SOBP: variants seen among roughly 807,000 people sequenced by gnomAD.
SOBP encodes sine oculis-binding protein homolog.
A neutral mutation model predicts 53.6 loss-of-function variants in SOBP; 4 were observed. The observed-to-expected ratio is 0.07, with a 90% CI of 0.04 to 0.17. The LOEUF is 0.17. Among genes scored for constraint, SOBP ranks in the 10% least tolerant of loss-of-function variants. The probability of loss-of-function intolerance (pLI) is 1.00; values close to 1 mark genes in which losing one functional copy is unlikely to be tolerated. For synonymous variants in SOBP, 584 were observed against 522.6 expected (o/e 1.12, Z -1.60); for missense variants, 1,088 against 1,204.7 (o/e 0.90, Z 1.43).
intron 3 of SOBP, among the ~76,000 whole-genome samples, chr6:107,530,344 G>T (rs568932535): frequency 1.3e-5 from 2 of 152,198 alleles, no homozygotes; most frequent in East Asian, 3.9e-4. Flanking sequence ...CGTGTTTCAG[G>T]TAGAAAGAGA....
chr6:107,526,026 C>T (rs571880215), intron 3 of SOBP, among the ~76,000 whole-genome samples: 152 of 152,192 alleles, frequency 1.0e-3, no homozygotes, highest in African/African-American at 3.6e-3. Flanking sequence ...TGGCTCACTG[C>T]AACCTCCACT....
At chr6:107,527,797 T>A (rs553132644) in intron 3 of SOBP, among the ~76,000 whole-genome samples, 37 of 152,344 alleles carry the variant, frequency 2.4e-4, no homozygotes, top group African/African-American at 8.2e-4. Flanking sequence ...CTCATTTGCT[T>A]ATAAAAAGTC....
At chr6:107,608,276 C>G (rs1216683331) in intron 5 of SOBP, among the ~76,000 whole-genome samples, 1 of 152,106 alleles carries the variant, frequency 6.6e-6, no homozygotes, top group Non-Finnish European at 1.5e-5. Flanking sequence ...TTTCCCCTCA[C>G]CTCTGAGTTT....
At position 107,635,491 on chromosome 6, in the gene SOBP, T is replaced by C. The variant is rs754899433; in HGVS notation, c.*3+22T>C. ...AAAGGTTTGTATGTCCGCCGGGCGC[T>C]CCTCCACACCAGCCAGTGCACCTCT... On this transcript the variant is annotated intron_variant, in intron 6 of 6. Coordinates refer to ENST00000317357, the MANE Select transcript of SOBP (RefSeq NM_018013.4). The surrounding 1 kb of genome is among the most constrained non-coding windows in gnomAD (Gnocchi z 4.5). 6.2e-7 allele frequency: 1 copy of C among 1,611,088 alleles called. No individual in the cohort carries two copies. The highest frequency in any genetic ancestry group is 1.1e-5 in the South Asian group (1 of 90,926).
intron 4 of SOBP, 77 bp downstream of exon 4, chr6:107,533,687 C>T (rs917139697): frequency 7.3e-5 from 114 of 1,560,796 alleles, no homozygotes; most frequent in East Asian, 6.3e-4. Context: ...TAGCTTCTAG[C>T]GGAAAACACT....
intron 5 of SOBP, among the ~76,000 whole-genome samples, chr6:107,626,386 C>A (rs1341427450): frequency 6.6e-6 from 1 of 152,216 alleles, no homozygotes; most frequent in Admixed American, 6.5e-5. Context: ...CCATTGCCTT[C>A]TGGAGCACAG....
chr6:107,493,800 G>T (rs778488648), intron 1 of SOBP, among the ~76,000 whole-genome samples: 2 of 152,158 alleles, frequency 1.3e-5, no homozygotes, highest in Admixed American at 6.5e-5. Flanking sequence ...AAGACAAACT[G>T]GCTGAGGTTT....
intron 5 of SOBP, among the ~76,000 whole-genome samples, chr6:107,625,512 C>CA (rs1770421323): frequency 6.6e-6 from 1 of 152,156 alleles, no homozygotes; most frequent in African/African-American, 2.4e-5. Context: ...AGAAAGTGGG[C>CA]TAAGGTAGTG....
intron 6 of SOBP, among the ~76,000 whole-genome samples, chr6:107,653,121 A>T: frequency 6.6e-6 from 1 of 152,206 alleles, no homozygotes. Flanking sequence ...CTCTTCAAAA[A>T]TGAGAACAAT....
intron 4 of SOBP, among the ~76,000 whole-genome samples, chr6:107,553,297 A>T (rs993126486): frequency 3.9e-4 from 45 of 115,930 alleles, no homozygotes; most frequent in Middle Eastern, 4.0e-3. Context: ...GCTTATTATT[A>T]TTTTATTTAT....
chr6:107,503,576 A>G, intron 1 of SOBP, 81 bp from the exon 2 acceptor site: 1 of 1,485,984 alleles, frequency 6.7e-7, no homozygotes, highest in Non-Finnish European at 9.4e-7. Flanking sequence ...ATGAGGTAGG[A>G]CAAGCAGAAT....
At chr6:107,586,518 C>CTT (rs5742433) in intron 4 of SOBP, among the ~76,000 whole-genome samples, 2 of 145,936 alleles carry the variant, frequency 1.4e-5, no homozygotes, top group South Asian at 2.2e-4. Context: ...TAAATTAAAT[C>CTT]TTTTTTTTTT....
At chr6:107,548,347 G>A (rs1784362988) in intron 4 of SOBP, among the ~76,000 whole-genome samples, 1 of 150,690 alleles carries the variant, frequency 6.6e-6, no homozygotes. Flanking sequence ...TCCACCTCCT[G>A]GGTTCCTGCC....
chr6:107,512,967 GA>G (rs1583160190), intron 3 of SOBP, among the ~76,000 whole-genome samples: 1 of 151,914 alleles, frequency 6.6e-6, no homozygotes, highest in African/African-American at 2.4e-5. Flanking sequence ...AATGAAATGT[GA>G]AAAAAAGAGG....
intron 5 of SOBP, among the ~76,000 whole-genome samples, chr6:107,591,010 A>G (rs1023370087): frequency 6.6e-6 from 1 of 152,210 alleles, no homozygotes; most frequent in East Asian, 1.9e-4. Context: ...AGTAGGAGAA[A>G]TAAGGCACAT....
At chr6:107,626,693 G>A (rs1176296721) in intron 5 of SOBP, among the ~76,000 whole-genome samples, 2 of 152,220 alleles carry the variant, frequency 1.3e-5, no homozygotes, top group Non-Finnish European at 2.9e-5. Flanking sequence ...GATACTTGGA[G>A]CTGATAAAAT....
At chr6:107,596,949 T>G (rs773993180) in intron 5 of SOBP, among the ~76,000 whole-genome samples, 5 of 152,228 alleles carry the variant, frequency 3.3e-5, no homozygotes, top group Non-Finnish European at 7.3e-5. Context: ...TATATCAAAT[T>G]GCATAGAAGT....
chr6:107,549,211 G>A (rs2115008846), intron 4 of SOBP, among the ~76,000 whole-genome samples: 1 of 152,062 alleles, frequency 6.6e-6, no homozygotes, highest in Non-Finnish European at 1.5e-5. Context: ...AGCTTGCAGG[G>A]AGCCAAGATC....
At chr6:107,649,203 A>G (rs1233834379) in intron 6 of SOBP, among the ~76,000 whole-genome samples, 1 of 142,302 alleles carries the variant, frequency 7.0e-6, no homozygotes, top group African/African-American at 2.6e-5. Flanking sequence ...ATCAGGAGCC[A>G]TGGCTCATGC....
Sources: allele counts gnomAD v4.1 joint callset (sites outside exome capture counted in the v4.1 genomes callset), GRCh38; gene constraint gnomAD v4.1.1; non-coding constraint Gnocchi (gnomAD v3.1); transcripts MANE v1.5; gene names NCBI Gene and HGNC (gene_info 2026-07-23, HGNC 2026-07-21).